The following HDDC2 variants were observed in gnomAD, a reference collection of about 807,000 sequenced individuals.
The protein encoded by HDDC2 is HD domain containing 2, also known as 5'-deoxynucleotidase HDDC2.
HDDC2 carries 25 observed loss-of-function variants against 25.5 expected under a neutral mutation model. The ratio of observed to expected loss-of-function variants is 0.98; its 90% CI spans 0.72 to 1.37. The LOEUF (loss-of-function observed/expected upper bound fraction) is 1.37. Among genes scored for constraint, HDDC2 ranks in the 40% most tolerant of loss-of-function variants. HDDC2 has a pLI of 0.00. For synonymous variants in HDDC2, 106 were observed against 89.7 expected (o/e 1.18, Z -1.03); for missense variants, 264 against 253.1 (o/e 1.04, Z -0.29).
chr6:125,290,673 G>T (rs1227447583), intron 4 of HDDC2, among the ~76,000 whole-genome samples: 5 of 152,304 alleles, frequency 3.3e-5, no homozygotes, highest in Non-Finnish European at 7.3e-5. Context: ...GAAGAGACTG[G>T]AGTGATGTGT....
intron 4 of HDDC2, among the ~76,000 whole-genome samples, chr6:125,280,947 CAGG>C (rs1329400172): frequency 6.6e-6 from 1 of 152,236 alleles, no homozygotes; most frequent in Non-Finnish European, 1.5e-5. Context: ...ACATCTCATA[CAGG>C]AGAGCTCTGG....
rs1351556281 is a variant in HDDC2 at position 125,276,042 on chromosome 6, A to AGC, written c.*103_*104insGC. On this transcript the variant is annotated 3_prime_UTR_variant, in exon 6 of 6. Coordinates refer to ENST00000398153, the MANE Select transcript of HDDC2 (RefSeq NM_016063.3). ...GAAGTTCAGACAATTGAAAACAAAC[A>AGC]GACTCACATCTAGGGAAATCAACAG... 11 of 821,772 alleles carry AGC rather than the reference A, an allele frequency of 1.3e-5. No homozygotes were observed. Among genetic ancestry groups the AGC allele is most frequent in the Non-Finnish European group, 2.0e-5 (10 of 491,412 alleles). 50.9% of individuals were successfully genotyped at this position (821,772 alleles called of 1,614,324 possible). A position where few individuals can be genotyped will look rare whatever the true frequency, so the allele number is the denominator to read the frequency against.
chr6:125,292,254 A>G (rs972518554), intron 4 of HDDC2, among the ~76,000 whole-genome samples: 1 of 152,156 alleles, frequency 6.6e-6, no homozygotes, highest in Non-Finnish European at 1.5e-5. Flanking sequence ...CAACAGTAGA[A>G]GAGGGAAGCA....
At chr6:125,298,614 G>A (rs566213553) in intron 3 of HDDC2, 100 bp downstream of exon 3, 1 of 820,042 alleles carries the variant, frequency 1.2e-6, no homozygotes, top group South Asian at 1.4e-5. Flanking sequence ...GACTATCAAG[G>A]CGGTATTCTC....
intron 3 of HDDC2, among the ~76,000 whole-genome samples, chr6:125,293,750 C>T (rs1798664414): frequency 6.6e-6 from 1 of 152,182 alleles, no homozygotes; most frequent in Non-Finnish European, 1.5e-5. Flanking sequence ...TGGACAGTGA[C>T]CCCGCTGGGC....
intron 4 of HDDC2, among the ~76,000 whole-genome samples, chr6:125,282,722 A>T (rs1798476519): frequency 7.0e-6 from 1 of 142,634 alleles, no homozygotes. Flanking sequence ...CAGACTGGCA[A>T]ATTGGATAGA....
chr6:125,301,235 A>G (rs1289734434), intron 1 of HDDC2, among the ~76,000 whole-genome samples: 2 of 152,192 alleles, frequency 1.3e-5, no homozygotes, highest in African/African-American at 4.8e-5. Context: ...CATGAAACGG[A>G]TAATTTACTT....
intron 1 of HDDC2, among the ~76,000 whole-genome samples, chr6:125,301,482 G>GCACACACACGCGCGCGCGCACACA (rs1412473241): frequency 2.5e-5 from 3 of 120,344 alleles, no homozygotes; most frequent in African/African-American, 1.0e-4. Flanking sequence ...GGGGTCGTGA[G>GCACACACACGCGCGCGCGCACACA]CACACACACA....
At position 125,276,346 on chromosome 6, in the gene HDDC2, G is replaced by C. The variant is rs560709426; in HGVS notation, c.518-103C>G. 6.1e-6 allele frequency: 5 copies of C among 817,326 alleles called. No homozygotes were observed. The East Asian group carries it at 1.3e-4, about 21-fold the overall frequency. 50.6% of individuals were successfully genotyped at this position (817,326 alleles called of 1,614,324 possible). A position where few individuals can be genotyped will look rare whatever the true frequency, so the allele number is the denominator to read the frequency against. Reference sequence around the variant, plus strand: ...GGGTTCACTGGGGGCTCTAGTCTACGATCTGACCCACACTTCATTCCAAAG... The same window carrying C: ...GGGTTCACTGGGGGCTCTAGTCTACCATCTGACCCACACTTCATTCCAAAG... On this transcript the variant is annotated intron_variant, in intron 5 of 5. Coordinates refer to ENST00000398153, the MANE Select transcript of HDDC2 (RefSeq NM_016063.3).
intron 3 of HDDC2, among the ~76,000 whole-genome samples, chr6:125,294,659 T>G (rs771867573): frequency 2.3e-4 from 35 of 152,206 alleles, no homozygotes; most frequent in Non-Finnish European, 3.8e-4. Context: ...AACTGTAGAA[T>G]GCAAACATGA....
chr6:125,295,775 A>G (rs995882949), intron 3 of HDDC2, among the ~76,000 whole-genome samples: 2 of 152,160 alleles, frequency 1.3e-5, no homozygotes, highest in African/African-American at 2.4e-5. Context: ...CTCTGTTTCA[A>G]TAAGGTTTCC....
At chr6:125,291,690 G>C (rs1270725136) in intron 4 of HDDC2, among the ~76,000 whole-genome samples, 3 of 152,192 alleles carry the variant, frequency 2.0e-5, no homozygotes, top group African/African-American at 7.2e-5. Context: ...AGGAGAAAAT[G>C]TGGTTAAATA....
intron 1 of HDDC2, 122 bp from the exon 2 acceptor site, chr6:125,300,781 C>T (rs764508067): frequency 9.1e-6 from 9 of 983,866 alleles, no homozygotes; most frequent in South Asian, 1.8e-5. Flanking sequence ...GAACCTATTA[C>T]AAAATGTTTT....
chr6:125,294,898 T>C (rs1405651780), intron 3 of HDDC2, among the ~76,000 whole-genome samples: 5 of 152,238 alleles, frequency 3.3e-5, no homozygotes, highest in African/African-American at 9.6e-5. Flanking sequence ...AAAATCACCA[T>C]ATTCTTTAAA....
intron 4 of HDDC2, among the ~76,000 whole-genome samples, chr6:125,289,398 G>A (rs1393193501): frequency 7.5e-6 from 1 of 134,058 alleles, no homozygotes; most frequent in Non-Finnish European, 1.6e-5. Flanking sequence ...ACATTAGTGG[G>A]TGCAGCGCAC....
At chr6:125,287,564 T>C (rs1465671594) in intron 4 of HDDC2, among the ~76,000 whole-genome samples, 1 of 152,178 alleles carries the variant, frequency 6.6e-6, no homozygotes, top group Non-Finnish European at 1.5e-5. Flanking sequence ...GAGGTTCCTG[T>C]GGACAATTAG....
chr6:125,286,085 T>C (rs1217884414), intron 4 of HDDC2, among the ~76,000 whole-genome samples: 1 of 152,172 alleles, frequency 6.6e-6, no homozygotes, highest in East Asian at 1.9e-4. Context: ...CTTTCAAGTA[T>C]AAAGAACACA....
chr6:125,300,777 A>G (rs935592999), intron 1 of HDDC2, 118 bp from the exon 2 acceptor site: 12 of 1,000,202 alleles, frequency 1.2e-5, no homozygotes, highest in Non-Finnish European at 1.6e-5. Flanking sequence ...TTCAGAACCT[A>G]TTACAAAATG....
chr6:125,301,804 G>T, intron 1 of HDDC2, 45 bp downstream of exon 1: 1 of 1,451,978 alleles, frequency 6.9e-7, no homozygotes, highest in Non-Finnish European at 9.3e-7. Flanking sequence ...CCGCCCCACA[G>T]TCCCGCCCGC....
Sources: allele counts gnomAD v4.1 joint callset (sites outside exome capture counted in the v4.1 genomes callset), GRCh38; gene constraint gnomAD v4.1.1; transcripts MANE v1.5; gene names NCBI Gene and HGNC (gene_info 2026-07-23, HGNC 2026-07-21).